Variants in FANCC observed in about 807,000 individuals in gnomAD.
FANCC encodes the protein FA complementation group C.
Under a neutral mutation model 71.3 loss-of-function variants are expected in FANCC, and 55 were observed. The observed-to-expected ratio is 0.77, with a 90% CI of 0.62 to 0.97. FANCC has a LOEUF of 0.97. FANCC is among the 50% of genes least tolerant of loss of function. FANCC has a pLI of 0.00. For missense variants in FANCC, 678 were observed against 670.9 expected (o/e 1.01, Z -0.12); for synonymous variants, 275 against 244.9 (o/e 1.12, Z -1.15).
intron 6 of FANCC, among the ~76,000 whole-genome samples, chr9:95,155,916 G>A (rs184734702): frequency 1.6e-3 from 236 of 148,394 alleles, no homozygotes; most frequent in African/African-American, 5.6e-3. Flanking sequence ...TGTAGATATG[G>A]GGTTTCTCCA....
intron 1 of FANCC, among the ~76,000 whole-genome samples, chr9:95,263,066 T>C (rs548867864): frequency 3.5e-4 from 53 of 152,318 alleles, no homozygotes; most frequent in African/African-American, 1.2e-3. Flanking sequence ...CTGAATTACA[T>C]GTAAAAGTGG....
At chr9:95,108,050 G>C (rs1287602218) in intron 13 of FANCC, among the ~76,000 whole-genome samples, 1 of 152,204 alleles carries the variant, frequency 6.6e-6, no homozygotes, top group Non-Finnish European at 1.5e-5. Flanking sequence ...CATGGAACTC[G>C]TGAACAGCTA....
At chr9:95,291,542 T>A (rs1432438398) in intron 1 of FANCC, among the ~76,000 whole-genome samples, 3 of 151,698 alleles carry the variant, frequency 2.0e-5, no homozygotes, top group African/African-American at 4.8e-5. Context: ...ATGTGAAAGA[T>A]CTCTACAATG....
In FANCC at chr9:95,100,638, T is replaced by C. The variant is rs1271113229; in HGVS notation, c.*1069A>G. ...GTTAACCTTGAGATTACACTAACAA[T>C]GCCTTTTTTTAAGAGATGGTCTCGC... On this transcript the variant is annotated 3_prime_UTR_variant, in exon 15 of 15. Transcript: ENST00000289081. 1 of 229,580 alleles carries C rather than the reference T, an allele frequency of 4.4e-6. No homozygotes were observed. The highest frequency in any genetic ancestry group is 8.6e-6 in the Non-Finnish European group (1 of 115,834). The allele number at this position is 229,580 out of a possible 1,614,324, so 14.2% of individuals were successfully genotyped here. A position where few individuals can be genotyped will look rare whatever the true frequency, so the allele number is the denominator to read the frequency against.
At chr9:95,293,472 G>C in intron 1 of FANCC, 1 of 1,570,790 alleles carries the variant, frequency 6.4e-7, no homozygotes, top group Non-Finnish European at 8.6e-7. Flanking sequence ...TGTTGCTGTT[G>C]AGCCAATAAG....
At chr9:95,116,250 G>GT (rs1302588800) in intron 11 of FANCC, among the ~76,000 whole-genome samples, 2 of 152,326 alleles carry the variant, frequency 1.3e-5, no homozygotes, top group Non-Finnish European at 2.9e-5. Context: ...TGACCTAAGC[G>GT]TAAGGTGAAC....
intron 4 of FANCC, among the ~76,000 whole-genome samples, chr9:95,198,832 G>C (rs1827622552): frequency 6.6e-6 from 1 of 152,046 alleles, no homozygotes. Flanking sequence ...CCACCTCCTG[G>C]GCTCAGGTGA....
chr9:95,198,881 G>A lies in FANCC; in HGVS notation c.346-26734C>T, dbSNP rs148913142. On this transcript the variant is annotated intron_variant, in intron 4 of 14. Transcript: ENST00000289081. Reference sequence around the variant, plus strand: ...GCCTCCCAAGTAGCTAGGACAACAGGTGTGCGCCAGCATACCTGGCTAACT... The same window carrying A: ...GCCTCCCAAGTAGCTAGGACAACAGATGTGCGCCAGCATACCTGGCTAACT... 3.8e-3 allele frequency among the ~76,000 whole-genome samples: 581 copies of A among 152,048 alleles called. 1 individual carries two copies. Among genetic ancestry groups the A allele is most frequent in the Non-Finnish European group, 6.8e-3 (459 of 67,982 alleles).
chr9:95,304,643 T>A (rs1834965633), intron 1 of FANCC, among the ~76,000 whole-genome samples: 1 of 148,782 alleles, frequency 6.7e-6, no homozygotes, highest in African/African-American at 2.5e-5. Context: ...CCAGCTACTT[T>A]GGAGGCTGAG....
chr9:95,154,775 A>T (rs1830364856), intron 6 of FANCC, among the ~76,000 whole-genome samples: 1 of 152,230 alleles, frequency 6.6e-6, no homozygotes, highest in South Asian at 2.1e-4. Flanking sequence ...ACTTTTTCTT[A>T]AAAATATCAA....
intron 6 of FANCC, among the ~76,000 whole-genome samples, chr9:95,154,586 T>C (rs1223001556): frequency 1.3e-5 from 2 of 152,174 alleles, no homozygotes; most frequent in African/African-American, 2.4e-5. Flanking sequence ...AGAAAGCAAG[T>C]TGCATAAAGA....
chr9:95,170,873 G>T (rs1053728816), intron 6 of FANCC, among the ~76,000 whole-genome samples: 1 of 152,042 alleles, frequency 6.6e-6, no homozygotes, highest in Non-Finnish European at 1.5e-5. Context: ...TTTACTTACT[G>T]CTCTGTGAGA....
intron 6 of FANCC, among the ~76,000 whole-genome samples, chr9:95,158,430 C>T (rs475413): frequency 0.94 from 142,729 of 152,210 alleles, 66,931 homozygotes; most frequent in Middle Eastern, 0.98. Flanking sequence ...ACTTAAGAAG[C>T]GGTAGAGAAC....
At chr9:95,234,603 T>A (rs111602730) in intron 4 of FANCC, among the ~76,000 whole-genome samples, 129 of 152,340 alleles carry the variant, frequency 8.5e-4, no homozygotes, top group Non-Finnish European at 1.3e-3. Context: ...ACATTAATGA[T>A]GACAGTGTGG....
At chr9:95,117,776 T>A (rs962262709) in intron 10 of FANCC, among the ~76,000 whole-genome samples, 2 of 148,276 alleles carry the variant, frequency 1.3e-5, no homozygotes, top group Admixed American at 6.9e-5. Flanking sequence ...CAGGCTGGAG[T>A]GCAATGGCGC....
At chr9:95,304,770 A>T (rs1834977031) in intron 1 of FANCC, among the ~76,000 whole-genome samples, 1 of 150,690 alleles carries the variant, frequency 6.6e-6, no homozygotes, top group African/African-American at 2.5e-5. Flanking sequence ...AAAAAAAAAA[A>T]AAAAAGGGAA....
At chr9:95,204,364 A>AC (rs1227098347) in intron 4 of FANCC, among the ~76,000 whole-genome samples, 1 of 152,226 alleles carries the variant, frequency 6.6e-6, no homozygotes, top group Non-Finnish European at 1.5e-5. Context: ...TTAATTAGGC[A>AC]TTGGTAACTG....
chr9:95,215,692 T>C (rs1050340540), intron 4 of FANCC, among the ~76,000 whole-genome samples: 2 of 152,228 alleles, frequency 1.3e-5, no homozygotes, highest in African/African-American at 4.8e-5. Context: ...CCAGCCATTA[T>C]GCTGTTAGGA....
chr9:95,293,845 C>T (rs1367480062), intron 1 of FANCC: 14 of 1,611,766 alleles, frequency 8.7e-6, no homozygotes, highest in East Asian at 2.2e-5. Context: ...CAAAGTCCAA[C>T]GGATGACCAT....
Sources: allele counts gnomAD v4.1 joint callset (sites outside exome capture counted in the v4.1 genomes callset), GRCh38; gene constraint gnomAD v4.1.1; transcripts MANE v1.5; gene names NCBI Gene and HGNC (gene_info 2026-07-23, HGNC 2026-07-21).